CSMD3: variants seen among roughly 807,000 people sequenced by gnomAD.
The protein encoded by CSMD3 is CUB and sushi domain-containing protein 3.
CSMD3 carries 177 observed loss-of-function variants against 435.2 expected under a neutral mutation model. The observed-to-expected ratio is 0.41, with a 90% CI of 0.36 to 0.46. The LOEUF is 0.46. Ranked by LOEUF, CSMD3 falls within the 20% of genes least tolerant of loss-of-function variation. CSMD3 has a pLI of 0.34. For synonymous variants in CSMD3, 1,656 were observed against 1,520.5 expected (o/e 1.09, Z -2.07); for missense variants, 4,265 against 4,504.6 (o/e 0.95, Z 1.52).
intron 7 of CSMD3, among the ~76,000 whole-genome samples, chr8:112,958,899 G>A (rs966602575): frequency 2.0e-5 from 3 of 152,008 alleles, no homozygotes; most frequent in Non-Finnish European, 2.9e-5. Flanking sequence ...TTAGGAAATC[G>A]ATCATATTAA....
At chr8:112,905,607 T>C (rs2082240391) in intron 10 of CSMD3, among the ~76,000 whole-genome samples, 1 of 151,460 alleles carries the variant, frequency 6.6e-6, no homozygotes. Context: ...TGGGCAATGC[T>C]TACCATCAAT....
At chr8:112,674,039 T>C (rs1017431383) in intron 16 of CSMD3, among the ~76,000 whole-genome samples, 9 of 152,122 alleles carry the variant, frequency 5.9e-5, no homozygotes, top group Admixed American at 5.9e-4. Flanking sequence ...TTATCACTTC[T>C]AGTATTTAAA....
At chr8:112,826,112 G>A (rs559229388) in intron 12 of CSMD3, among the ~76,000 whole-genome samples, 12 of 152,264 alleles carry the variant, frequency 7.9e-5, no homozygotes, top group Non-Finnish European at 1.3e-4. Context: ...GAGGCACTCT[G>A]GCCACAGTCT....
intron 1 of CSMD3, among the ~76,000 whole-genome samples, chr8:113,336,299 T>A (rs949218269): frequency 6.6e-6 from 1 of 151,956 alleles, no homozygotes; most frequent in Non-Finnish European, 1.5e-5. Flanking sequence ...AACTTTTAAA[T>A]TTTTTTGCTG....
At chr8:112,797,013 T>A (rs960233279) in intron 13 of CSMD3, among the ~76,000 whole-genome samples, 2 of 152,028 alleles carry the variant, frequency 1.3e-5, no homozygotes, top group Non-Finnish European at 2.9e-5. Flanking sequence ...AGGACTGTTT[T>A]CTTGATTTGC....
chr8:112,660,891 G>T (rs1038900032), intron 17 of CSMD3, among the ~76,000 whole-genome samples: 4 of 152,156 alleles, frequency 2.6e-5, no homozygotes, highest in Non-Finnish European at 5.9e-5. Context: ...GAAGCCATGA[G>T]ATTATAATTG....
At chr8:113,055,124 G>T (rs2088264469) in intron 5 of CSMD3, among the ~76,000 whole-genome samples, 1 of 152,058 alleles carries the variant, frequency 6.6e-6, no homozygotes, top group Non-Finnish European at 1.5e-5. Flanking sequence ...TGTAATGTAT[G>T]TTTTATTCAA....
chr8:113,392,734 A>G (rs1471494914), intron 1 of CSMD3, among the ~76,000 whole-genome samples: 3 of 152,078 alleles, frequency 2.0e-5, no homozygotes, highest in Non-Finnish European at 4.4e-5. Context: ...TATTTAGGAA[A>G]TGATTCAAGA....
At chr8:113,016,223 G>C (rs557484197) in intron 6 of CSMD3, among the ~76,000 whole-genome samples, 2 of 151,732 alleles carry the variant, frequency 1.3e-5, no homozygotes, top group African/African-American at 4.8e-5. Context: ...TGTATTTTAC[G>C]TATTAAAGGC....
At chr8:112,594,480 A>C (rs1472261479) in intron 22 of CSMD3, among the ~76,000 whole-genome samples, 9 of 152,200 alleles carry the variant, frequency 5.9e-5, no homozygotes, top group Non-Finnish European at 1.3e-4. Flanking sequence ...TAGGTAAACA[A>C]AGCAGCCTGG....
intron 4 of CSMD3, among the ~76,000 whole-genome samples, chr8:113,125,753 A>T (rs2091107236): frequency 6.6e-6 from 1 of 151,950 alleles, no homozygotes; most frequent in South Asian, 2.1e-4. Context: ...GGCAACTTGA[A>T]AATCATTGGT....
chr8:112,920,965 A>C (rs2082719295), intron 10 of CSMD3, among the ~76,000 whole-genome samples: 1 of 145,612 alleles, frequency 6.9e-6, no homozygotes. Flanking sequence ...ACTGGTATTT[A>C]TATATATATA....
At position 113,029,937 on chromosome 8, in the gene CSMD3, A is replaced by T. The variant is rs150046968; in HGVS notation, c.918-10758T>A. 5.3e-4 allele frequency among the ~76,000 whole-genome samples: 81 copies of T among 151,742 alleles called. 2 individuals are homozygous for T. The East Asian group carries it at 0.013, about 24-fold the overall frequency. Reference sequence around the variant, plus strand: ...AAAAAAAATTCAGCAAAGTTTCCGCATAGATTAATGTACACAAATCAGTAG... The same window carrying T: ...AAAAAAAATTCAGCAAAGTTTCCGCTTAGATTAATGTACACAAATCAGTAG... On this transcript the variant is annotated intron_variant, in intron 5 of 70. Coordinates refer to ENST00000297405, the MANE Select transcript of CSMD3 (RefSeq NM_198123.2).
intron 5 of CSMD3, among the ~76,000 whole-genome samples, chr8:113,037,620 C>G (rs1247727096): frequency 1.3e-5 from 2 of 151,962 alleles, no homozygotes; most frequent in Non-Finnish European, 2.9e-5. Context: ...GAAAAAATGA[C>G]AAATGTATTG....
chr8:112,797,822 A>T (rs1003837543), intron 13 of CSMD3, among the ~76,000 whole-genome samples: 1 of 151,902 alleles, frequency 6.6e-6, no homozygotes, highest in Non-Finnish European at 1.5e-5. Flanking sequence ...ATGCAAAAAC[A>T]TGATTTTCAC....
At chr8:112,296,076 G>A (rs1586686853) in intron 53 of CSMD3, 70 bp from the exon 54 acceptor site, 2 of 1,225,370 alleles carry the variant, frequency 1.6e-6, no homozygotes, top group East Asian at 5.1e-5. Context: ...TATACATGTG[G>A]AACATGAGCA....
intron 38 of CSMD3, among the ~76,000 whole-genome samples, chr8:112,378,486 T>C (rs533266795): frequency 2.0e-4 from 30 of 152,258 alleles, no homozygotes; most frequent in Non-Finnish European, 4.0e-4. Flanking sequence ...TATTCATCCA[T>C]AAAATTGAAA....
intron 42 of CSMD3, among the ~76,000 whole-genome samples, chr8:112,341,034 C>G (rs1825054074): frequency 6.6e-6 from 1 of 151,836 alleles, no homozygotes; most frequent in Non-Finnish European, 1.5e-5. Context: ...ATTCTCATGA[C>G]AATAGAACAA....
At chr8:112,684,077 G>C (rs2075960473) in intron 15 of CSMD3, among the ~76,000 whole-genome samples, 1 of 151,592 alleles carries the variant, frequency 6.6e-6, no homozygotes, top group Admixed American at 6.6e-5. Flanking sequence ...CTATAGAACA[G>C]AACCAGGAAA....
Sources: allele counts gnomAD v4.1 joint callset (sites outside exome capture counted in the v4.1 genomes callset), GRCh38; gene constraint gnomAD v4.1.1; transcripts MANE v1.5; gene names NCBI Gene and HGNC (gene_info 2026-07-23, HGNC 2026-07-21).